The following TTL variants were observed in gnomAD, a reference collection of about 807,000 sequenced individuals.
The protein encoded by TTL is tubulin--tyrosine ligase.
TTL carries 10 observed loss-of-function variants against 41.1 expected under a neutral mutation model. The observed-to-expected ratio is 0.24, with a 90% CI of 0.15 to 0.41. TTL has a LOEUF of 0.41. Ranked by LOEUF, TTL falls within the 10% of genes least tolerant of loss-of-function variation. The pLI, the probability that TTL is intolerant of heterozygous loss-of-function variation, is 1.00. For synonymous variants in TTL, 175 were observed against 175.5 expected, an observed-to-expected ratio of 1.00 and a Z score of 0.02; for missense variants, 367 against 460.4, an observed-to-expected ratio of 0.80 and a Z score of 1.86.
chr2:112,518,970 C>T (rs576629188), intron 5 of TTL, among the ~76,000 whole-genome samples: 1 of 152,276 alleles, frequency 6.6e-6, no homozygotes, highest in African/African-American at 2.4e-5. Flanking sequence ...CCACCGCGCC[C>T]GGCTGGCCCC....
chr2:112,497,998 A>G (rs1376094417), intron 3 of TTL, among the ~76,000 whole-genome samples: 2 of 152,246 alleles, frequency 1.3e-5, no homozygotes, highest in Non-Finnish European at 2.9e-5. Context: ...TTATGTGCCA[A>G]CAATGAACAT....
rs1003212977 is a variant in TTL at position 112,532,277 on chromosome 2, A to G, written c.*3482A>G. 4.4e-6 allele frequency: 1 copy of G among 228,652 alleles called. No homozygotes were observed. Among genetic ancestry groups the G allele is most frequent in the African/African-American group, 2.2e-5 (1 of 45,062 alleles). 14.2% of individuals were successfully genotyped at this position (228,652 alleles called of 1,614,324 possible). A position where few individuals can be genotyped will look rare whatever the true frequency, so the allele number is the denominator to read the frequency against. On this transcript the variant is annotated 3_prime_UTR_variant, in exon 7 of 7. Coordinates refer to ENST00000233336, the MANE Select transcript of TTL (RefSeq NM_153712.5). ...GTAGCATGCGGGTGCTGTAGAGAAA[A>G]TTCAGTGACGTACATGGCTCTGGTT...
At position 112,535,459 on chromosome 2, in the gene TTL, C is replaced by A. The variant is rs1055497452; in HGVS notation, c.*6664C>A. On this transcript the variant is annotated 3_prime_UTR_variant, in exon 7 of 7. Transcript: ENST00000233336. The stretch of plus-strand genomic sequence containing the variant: ...AACATTAAAGTGAATCCAAGAAGCT[C>A]AACAAATTCTAAGCAGGAAAGACTC... 6.6e-6 allele frequency: 1 copy of A among 152,016 alleles called. No homozygotes were observed. The highest frequency in any genetic ancestry group is 2.4e-5 in the African/African-American group (1 of 41,376). The allele number at this position is 152,016 out of a possible 1,614,324, so 9.4% of individuals were successfully genotyped here.
intron 5 of TTL, among the ~76,000 whole-genome samples, chr2:112,509,444 C>T (rs1270942401): frequency 6.6e-6 from 1 of 152,222 alleles, no homozygotes; most frequent in Non-Finnish European, 1.5e-5. Flanking sequence ...TGATCTCAGA[C>T]TGCTGTGCTA....
chr2:112,516,814 G>A (rs1050623661), intron 5 of TTL, among the ~76,000 whole-genome samples: 2 of 152,140 alleles, frequency 1.3e-5, no homozygotes, highest in East Asian at 1.9e-4. Flanking sequence ...GTATTCTCAC[G>A]TAGAGCCCAG....
intron 6 of TTL, among the ~76,000 whole-genome samples, chr2:112,520,890 C>T (rs1241546026): frequency 6.6e-6 from 1 of 152,160 alleles, no homozygotes; most frequent in Non-Finnish European, 1.5e-5. Context: ...TGCATTGCAG[C>T]CTGGGCGACA....
chr2:112,485,168 T>C (rs1681207926), intron 1 of TTL, among the ~76,000 whole-genome samples: 1 of 152,190 alleles, frequency 6.6e-6, no homozygotes, highest in Non-Finnish European at 1.5e-5. Flanking sequence ...CAAGCTGGTC[T>C]TGAACTCCTG....
rs760655099 is a variant in TTL, at chr2:112,531,673, T to C, written c.*2878T>C. On this transcript the variant is annotated 3_prime_UTR_variant, in exon 7 of 7. Transcript: ENST00000233336. Reference sequence around the variant, plus strand: ...ACATTATTATCTTGGAAGAATTGCATAAGGCTTATGACTTAAAAAAAAAAA... The same window carrying C: ...ACATTATTATCTTGGAAGAATTGCACAAGGCTTATGACTTAAAAAAAAAAA... 5 of 224,424 alleles carry C rather than the reference T, an allele frequency of 2.2e-5. No homozygotes were observed. Among genetic ancestry groups the C allele is most frequent in the Non-Finnish European group, 4.4e-5 (5 of 112,630 alleles). 13.9% of individuals were successfully genotyped at this position (224,424 alleles called of 1,614,324 possible). A position where few individuals can be genotyped will look rare whatever the true frequency, so the allele number is the denominator to read the frequency against.
chr2:112,491,872 T>TTTTAAATCTCTTAC (rs1681397842), intron 2 of TTL, among the ~76,000 whole-genome samples: 1 of 152,258 alleles, frequency 6.6e-6, no homozygotes, highest in African/African-American at 2.4e-5. Flanking sequence ...AGTTCTTTTT[T>TTTTAAATCTCTTAC]TTTAAATCTC....
chr2:112,532,126 A>T lies in TTL; in HGVS notation c.*3331A>T. ...CTGGGAGTGCTGGAAATGTACTGTGATCGAAGTGACAAAGTGTGTTTTCAT... is the reference window on the plus strand; with the variant it reads ...CTGGGAGTGCTGGAAATGTACTGTGTTCGAAGTGACAAAGTGTGTTTTCAT... On this transcript the variant is annotated 3_prime_UTR_variant, in exon 7 of 7. Transcript: ENST00000233336. 2 of 226,712 alleles carry T rather than the reference A, an allele frequency of 8.8e-6. No individual in the cohort carries two copies. Among genetic ancestry groups the T allele is most frequent in the Non-Finnish European group, 1.8e-5 (2 of 114,040 alleles). The allele number at this position is 226,712 out of a possible 1,614,324, so 14.0% of individuals were successfully genotyped here.
intron 5 of TTL, among the ~76,000 whole-genome samples, chr2:112,514,306 TG>T (rs1479737752): frequency 6.6e-6 from 1 of 151,146 alleles, no homozygotes; most frequent in South Asian, 2.1e-4. Context: ...AGCTTGAACC[TG>T]GGGGGTGGAA....
At chr2:112,494,121 A>G (rs1438224688) in intron 2 of TTL, 22 bp from the exon 3 acceptor site, 1 of 1,602,090 alleles carries the variant, frequency 6.2e-7, no homozygotes, top group East Asian at 2.2e-5. Flanking sequence ...AGGGAGGCTG[A>G]TCCTCTTCTG....
chr2:112,526,085 C>T (rs1418774403), intron 6 of TTL, among the ~76,000 whole-genome samples: 1 of 152,084 alleles, frequency 6.6e-6, no homozygotes, highest in Non-Finnish European at 1.5e-5. Flanking sequence ...TGATGGATTA[C>T]GTTTATTGAT....
Position 112,531,701 on chromosome 2 carries a change from C to T in TTL, c.*2906C>T, listed in dbSNP as rs1213335022. On this transcript the variant is annotated 3_prime_UTR_variant, in exon 7 of 7. Transcript: ENST00000233336. ...GGCTTATGACTTAAAAAAAAAAATTCTTTTTGGAAACACAAGCATTTCTTT... is the reference window on the plus strand; with the variant it reads ...GGCTTATGACTTAAAAAAAAAAATTTTTTTTGGAAACACAAGCATTTCTTT... 2 of 222,252 alleles carry T rather than the reference C, an allele frequency of 9.0e-6. No individual in the cohort carries two copies. Among genetic ancestry groups the T allele is most frequent in the African/African-American group, 4.5e-5 (2 of 44,820 alleles). 13.8% of individuals were successfully genotyped at this position (222,252 alleles called of 1,614,324 possible). A position where few individuals can be genotyped will look rare whatever the true frequency, so the allele number is the denominator to read the frequency against.
At position 112,535,145 on chromosome 2, in the gene TTL, A is replaced by G. The variant is rs886795384; in HGVS notation, c.*6350A>G. On this transcript the variant is annotated 3_prime_UTR_variant, in exon 7 of 7. Coordinates refer to ENST00000233336, the MANE Select transcript of TTL (RefSeq NM_153712.5). The stretch of plus-strand genomic sequence containing the variant: ...ACCAAGTAGAAATTTTAGAGTTGCA[A>G]AGTACAAAAATGCAAATGAAAGATT... The G allele has an allele frequency of 1.2e-4, 18 of 152,214 alleles. No individual in the cohort carries two copies. The highest frequency in any genetic ancestry group is 3.9e-4 in the African/African-American group (16 of 41,468). The allele number at this position is 152,214 out of a possible 1,614,324, so 9.4% of individuals were successfully genotyped here.
At position 112,539,496 on chromosome 2, in the gene TTL, C is replaced by T. The variant is rs1245169362; in HGVS notation, c.*10701C>T. 1 of 152,102 alleles carries T rather than the reference C, an allele frequency of 6.6e-6. No homozygotes were observed. The highest frequency in any genetic ancestry group is 1.5e-5 in the Non-Finnish European group (1 of 68,006). 9.4% of individuals were successfully genotyped at this position (152,102 alleles called of 1,614,324 possible). A position where few individuals can be genotyped will look rare whatever the true frequency, so the allele number is the denominator to read the frequency against. ...CTCTTTCTTGGAAAAAACCTTTCAA[C>T]AAACTAGAAATAAATTACTTCCTCA... On this transcript the variant is annotated 3_prime_UTR_variant, in exon 7 of 7. Transcript: ENST00000233336.
rs1357251044 is a variant in TTL at position 112,502,971 on chromosome 2, G to C, written c.665G>C (p.Arg222Pro). 6.2e-7 allele frequency: 1 copy of C among 1,613,746 alleles called. No homozygotes were observed. Among genetic ancestry groups the C allele is most frequent in the Admixed American group, 1.7e-5 (1 of 59,956 alleles). The change falls in exon 5 of 7, where the codon CGG (arginine) becomes CCG (proline). Residue 222 changes from arginine to proline, a missense_variant. Arg to Pro is a moderately radical substitution (Grantham distance 103, BLOSUM62 -2). Coordinates refer to ENST00000233336, the MANE Select transcript of TTL (RefSeq NM_153712.5). Reference sequence around the variant, plus strand: ...TACCTCTATAGAGAGGGTGTGCTTCGGACTGCTTCAGAACCATATCATGTT... The same window carrying C: ...TACCTCTATAGAGAGGGTGTGCTTCCGACTGCTTCAGAACCATATCATGTT... ...NIYLYREGVL[R>P]TASEPYHVDN...
chr2:112,504,116 A>G lies in TTL; in HGVS notation c.875+935A>G, dbSNP rs1191458905. ...ACTGAGAATGATGGTTTCCAATTTC[A>G]TCCATGTCCCTACAAAGGATATGAA... On this transcript the variant is annotated intron_variant, in intron 5 of 6. Transcript: ENST00000233336. 9.7e-5 allele frequency among the ~76,000 whole-genome samples: 2 copies of G among 20,584 alleles called. 1 individual carries two copies. The highest frequency in any genetic ancestry group is 2.0e-4 in the Non-Finnish European group (2 of 9,942). The allele number at this position is 20,584 out of a possible 152,430, so 13.5% of individuals were successfully genotyped here.
At chr2:112,491,936 G>A (rs952513008) in intron 2 of TTL, among the ~76,000 whole-genome samples, 16 of 152,112 alleles carry the variant, frequency 1.1e-4, no homozygotes, top group African/African-American at 3.6e-4. Flanking sequence ...TTCCACGTCA[G>A]TAGTATGCCT....
Sources: allele counts gnomAD v4.1 joint callset (sites outside exome capture counted in the v4.1 genomes callset), GRCh38; gene constraint gnomAD v4.1.1; transcripts MANE v1.5; gene names NCBI Gene and HGNC (gene_info 2026-07-23, HGNC 2026-07-21).